Variants in IL1R1 observed in about 807,000 individuals in gnomAD.
IL1R1 encodes interleukin-1 receptor type 1.
In IL1R1, 22 loss-of-function variants were observed where a neutral mutation model predicts 50.2. That is an observed-to-expected ratio of 0.44 (90% CI 0.31 to 0.63). The LOEUF (loss-of-function observed/expected upper bound fraction) is 0.63, where lower values mean the gene tolerates loss of function less well. IL1R1 is among the 20% of genes least tolerant of loss of function. The probability of loss-of-function intolerance (pLI) is 0.07; values close to 1 mark genes in which losing one functional copy is unlikely to be tolerated. For missense variants in IL1R1, 509 were observed against 676.2 expected (o/e 0.75, Z 2.74); for synonymous variants, 251 against 236.7 (o/e 1.06, Z -0.55).
chr2:102,162,480 TC>T (rs1196779721), intron 3 of IL1R1, among the ~76,000 whole-genome samples: 1 of 152,180 alleles, frequency 6.6e-6, no homozygotes, highest in Non-Finnish European at 1.5e-5. Flanking sequence ...GTTATTTTTT[TC>T]TCTTTTTTTG....
rs183189040 is a variant in IL1R1 at position 102,154,680 on chromosome 2, G to C, written c.-7+663G>C. Among the ~76,000 whole-genome samples, 4 of 152,278 alleles carry C rather than the reference G, an allele frequency of 2.6e-5. No homozygotes were observed. In the East Asian group the frequency reaches 7.7e-4, roughly 29 times the overall value. On this transcript the variant is annotated intron_variant, in intron 2 of 11. Coordinates refer to ENST00000410023, the MANE Select transcript of IL1R1 (RefSeq NM_000877.4). ...GTGGCCTGCTCTCCCTGGCTCCCCT[G>C]TCTCCAGTTTATGTTCCACACAGGT...
intron 3 of IL1R1, among the ~76,000 whole-genome samples, chr2:102,160,226 C>G (rs1301268311): frequency 6.6e-6 from 1 of 152,116 alleles, no homozygotes; most frequent in Non-Finnish European, 1.5e-5. Context: ...TATTCCCTCA[C>G]TACCCTTTAC....
chr2:102,146,246 G>A (rs1683110194), intron 1 of IL1R1, among the ~76,000 whole-genome samples: 1 of 152,000 alleles, frequency 6.6e-6, no homozygotes, highest in Non-Finnish European at 1.5e-5. Context: ...AAGTTAGATG[G>A]TGTCACTTTC....
intron 1 of IL1R1, among the ~76,000 whole-genome samples, chr2:102,130,630 T>C (rs1681975940): frequency 6.6e-6 from 1 of 152,008 alleles, no homozygotes. Context: ...CCCAAAGTCT[T>C]GGTTTTGACT....
chr2:102,134,198 C>A (rs1222625151), intron 1 of IL1R1, among the ~76,000 whole-genome samples: 1 of 152,182 alleles, frequency 6.6e-6, no homozygotes. Context: ...GTACGTGAAG[C>A]GGTGTTGATG....
intron 1 of IL1R1, among the ~76,000 whole-genome samples, chr2:102,110,116 C>A (rs1361972221): frequency 2.0e-5 from 3 of 152,160 alleles, no homozygotes; most frequent in East Asian, 1.9e-4. Context: ...CGCTTCTTTC[C>A]CTCTTCCTCA....
At chr2:102,118,838 A>G (rs1279293258) in intron 1 of IL1R1, among the ~76,000 whole-genome samples, 1 of 152,066 alleles carries the variant, frequency 6.6e-6, no homozygotes, top group Non-Finnish European at 1.5e-5. Flanking sequence ...TAACATGGTG[A>G]AACCCTGTCT....
chr2:102,156,055 T>C (rs1381874754), intron 2 of IL1R1: 1 of 152,228 alleles, frequency 6.6e-6, no homozygotes, highest in Non-Finnish European at 1.5e-5. Context: ...CCTTATTTTG[T>C]TGTTGATAAA....
At chr2:102,160,936 C>CA (rs1684666907) in intron 3 of IL1R1, among the ~76,000 whole-genome samples, 1 of 152,198 alleles carries the variant, frequency 6.6e-6, no homozygotes. Flanking sequence ...TTTTGTCACT[C>CA]AGTCACCTTC....
At position 102,166,256 on chromosome 2, in the gene IL1R1, C is replaced by A. The variant is rs1202163862; in HGVS notation, c.630C>A (p.Thr210=). 2.5e-6 allele frequency: 4 copies of A among 1,613,098 alleles called. No homozygotes were observed. In the South Asian group the frequency reaches 4.4e-5, roughly 18 times the overall value. ...ACTTGGGCAAGCAATATCCTATTACCCGGGTAATAGAATTTATTACTCTAG... is the reference window on the plus strand; with the variant it reads ...ACTTGGGCAAGCAATATCCTATTACACGGGTAATAGAATTTATTACTCTAG... ...YTYLGKQYPI[T]RVIEFITLEE... The change falls in exon 6 of 12, where the codon ACC becomes ACA. Residue 210 remains threonine (T), a synonymous_variant. Transcript: ENST00000410023.
At chr2:102,175,374 A>C in intron 10 of IL1R1, 104 bp from the exon 11 acceptor site, 1 of 875,736 alleles carries the variant, frequency 1.1e-6, no homozygotes, top group Non-Finnish European at 1.9e-6. Context: ...CATTGTATAA[A>C]AAAAGATGAA....
chr2:102,139,549 C>A (rs1183955154), upstream of IL1R1, among the ~76,000 whole-genome samples: 3 of 152,146 alleles, frequency 2.0e-5, no homozygotes, highest in Non-Finnish European at 2.9e-5. Context: ...AAATGTAATC[C>A]CCAATGTTGG....
chr2:102,167,670 G>C (rs1296588058), intron 6 of IL1R1, among the ~76,000 whole-genome samples: 3 of 151,656 alleles, frequency 2.0e-5, no homozygotes, highest in Admixed American at 2.0e-4. Context: ...GGATGGTCTC[G>C]ATCTCCTGAC....
chr2:102,137,784 A>G (rs1040364173), upstream of IL1R1, among the ~76,000 whole-genome samples: 2 of 152,240 alleles, frequency 1.3e-5, no homozygotes, highest in Non-Finnish European at 2.9e-5. Flanking sequence ...AAGAATTTGC[A>G]GTTATCTTTA....
chr2:102,165,305 G>A lies in IL1R1; in HGVS notation c.486+1G>A. On this transcript the variant is annotated splice_donor_variant, in intron 5 of 11. Transcript: ENST00000410023. LOFTEE classifies it high-confidence loss of function. ...GTTACCTAAATTACAGTGGTATAAG[G>A]TAATTTTATTTTAAATATGACATTT... is the stretch of plus-strand genomic sequence containing the variant. 6.8e-7 allele frequency: 1 copy of A among 1,476,036 alleles called. No homozygotes were observed. The highest frequency in any genetic ancestry group is 9.2e-7 in the Non-Finnish European group (1 of 1,090,720). The allele number at this position is 1,476,036 out of a possible 1,614,324, so 91.4% of individuals were successfully genotyped here. A position where few individuals can be genotyped will look rare whatever the true frequency, so the allele number is the denominator to read the frequency against.
chr2:102,125,011 G>A (rs1019074684), intron 1 of IL1R1, among the ~76,000 whole-genome samples: 9 of 149,954 alleles, frequency 6.0e-5, no homozygotes, highest in Non-Finnish European at 8.8e-5. Context: ...CTCCCATCAG[G>A]TTCCTCCCTT....
chr2:102,165,122 T>C lies in IL1R1; in HGVS notation c.304T>C (p.Ser102Pro). The change falls in exon 5 of 12, where the codon TCT (serine) becomes CCT (proline). Residue 102 changes from serine (S) to proline (P), a missense_variant. Transcript: ENST00000410023. ...TATTTTATTTTATTTTAGAAATTCA[T>C]CTTACTGCCTCAGAATTAAAATAAG... is the stretch of plus-strand genomic sequence containing the variant. ...GHYYCVVRNS[S>P]YCLRIKISAK... The C allele has an allele frequency of 1.3e-6, 2 of 1,569,760 alleles. No homozygotes were observed. The highest frequency in any genetic ancestry group is 1.7e-6 in the Non-Finnish European group (2 of 1,161,496).
At chr2:102,119,179 C>G (rs1200689365) in intron 1 of IL1R1, among the ~76,000 whole-genome samples, 1 of 152,192 alleles carries the variant, frequency 6.6e-6, no homozygotes, top group Non-Finnish European at 1.5e-5. Flanking sequence ...ACTGTAACTT[C>G]ATGCTGACGT....
At chr2:102,134,341 G>T (rs1202385942) in intron 1 of IL1R1, among the ~76,000 whole-genome samples, 1 of 151,558 alleles carries the variant, frequency 6.6e-6, no homozygotes, top group Non-Finnish European at 1.5e-5. Context: ...CTTTTTCTGG[G>T]TACTTCAGAT....
Sources: allele counts gnomAD v4.1 joint callset (sites outside exome capture counted in the v4.1 genomes callset), GRCh38; gene constraint gnomAD v4.1.1; transcripts MANE v1.5; gene names NCBI Gene and HGNC (gene_info 2026-07-23, HGNC 2026-07-21).